Variants in ST3GAL4 observed in about 807,000 individuals in gnomAD.
The protein encoded by ST3GAL4 is ST3 beta-galactoside alpha-2,3-sialyltransferase 4.
Under a neutral mutation model 42.6 loss-of-function variants are expected in ST3GAL4, and 24 were observed. The ratio of observed to expected loss-of-function variants is 0.56; its 90% CI spans 0.41 to 0.79. ST3GAL4 has a LOEUF of 0.79. Among genes scored for constraint, ST3GAL4 ranks in the 30% least tolerant of loss-of-function variants. The pLI, the probability that ST3GAL4 is intolerant of heterozygous loss-of-function variation, is 0.00. For missense variants in ST3GAL4, 311 were observed against 430.8 expected, an observed-to-expected ratio of 0.72 and a Z score of 2.46; for synonymous variants, 135 against 163.2, an observed-to-expected ratio of 0.83 and a Z score of 1.32.
At position 126,413,492 on chromosome 11, in the gene ST3GAL4, C is replaced by T. The variant is rs772391873; in HGVS notation, c.772-13C>T. On this transcript the variant is annotated splice_polypyrimidine_tract_variant and intron_variant, in intron 9 of 10. Transcript: ENST00000444328. ...AGGGCTCCCACTAACACCCTCCTGC[C>T]CCTGTTCCTCAGAAGCCCACCACGG... 15 of 1,613,494 alleles carry T rather than the reference C, an allele frequency of 9.3e-6. No homozygotes were observed. The South Asian group carries it at 1.6e-4, about 18-fold the overall frequency.
At chr11:126,368,543 C>T (rs1202325911) in intron 1 of ST3GAL4, among the ~76,000 whole-genome samples, 3 of 152,200 alleles carry the variant, frequency 2.0e-5, no homozygotes, top group Non-Finnish European at 4.4e-5. Flanking sequence ...GATGTGACCT[C>T]CGTGGCTCTC....
intron 1 of ST3GAL4, among the ~76,000 whole-genome samples, chr11:126,361,096 C>G (rs1186375638): frequency 1.3e-5 from 2 of 152,186 alleles, no homozygotes; most frequent in Admixed American, 1.3e-4. Context: ...CTACCCATCA[C>G]CCCTCCCTAG....
rs561162559 is a variant in ST3GAL4, at chr11:126,414,126, G to C, written c.*79G>C. 2.1e-6 allele frequency: 3 copies of C among 1,443,284 alleles called. No homozygotes were observed. Among genetic ancestry groups the C allele is most frequent in the Non-Finnish European group, 2.9e-6 (3 of 1,025,698 alleles). The allele number at this position is 1,443,284 out of a possible 1,614,324, so 89.4% of individuals were successfully genotyped here. On this transcript the variant is annotated 3_prime_UTR_variant, in exon 11 of 11. Transcript: ENST00000444328. The stretch of plus-strand genomic sequence containing the variant: ...CCATGCGTGGCTGTGGGGGTGGCTG[G>C]TGCCAGTATGACCCACTTGGACTCA...
chr11:126,372,295 A>G (rs1381868908), intron 1 of ST3GAL4, among the ~76,000 whole-genome samples: 1 of 152,144 alleles, frequency 6.6e-6, no homozygotes, highest in African/African-American at 2.4e-5. Flanking sequence ...AGTACCTCCT[A>G]TAAGTGGAAT....
At chr11:126,407,151 G>C in intron 4 of ST3GAL4, 101 bp from the exon 5 acceptor site, 1 of 1,476,540 alleles carries the variant, frequency 6.8e-7, no homozygotes, top group Non-Finnish European at 9.5e-7. Flanking sequence ...AAGCCAGGGA[G>C]GGAAGAGAAG....
chr11:126,414,159 T>G lies in ST3GAL4; in HGVS notation c.*112T>G, dbSNP rs1340990302. 1 of 1,031,140 alleles carries G rather than the reference T, an allele frequency of 9.7e-7. No homozygotes were observed. The highest frequency in any genetic ancestry group is 2.4e-5 in the East Asian group (1 of 41,538). The allele number at this position is 1,031,140 out of a possible 1,614,324, so 63.9% of individuals were successfully genotyped here. A position where few individuals can be genotyped will look rare whatever the true frequency, so the allele number is the denominator to read the frequency against. On this transcript the variant is annotated 3_prime_UTR_variant, in exon 11 of 11. Transcript: ENST00000444328. ...ATGACCCACTTGGACTCACCCCCTC[T>G]TGGGGAGGGAGTTCTGGGCCTGGCC...
At chr11:126,374,911 G>A (rs1052170076) in intron 1 of ST3GAL4, 3 of 151,942 alleles carry the variant, frequency 2.0e-5, no homozygotes, top group African/African-American at 7.3e-5. Context: ...TATTAATGAC[G>A]TCAAATGCAC....
chr11:126,407,075 T>C (rs1416085955), intron 4 of ST3GAL4, 52 bp downstream of exon 4: 1 of 1,573,738 alleles, frequency 6.4e-7, no homozygotes, highest in Non-Finnish European at 8.7e-7. Flanking sequence ...CGAGCTGGGA[T>C]TGAGGGTTTC....
chr11:126,411,461 T>C lies in ST3GAL4; in HGVS notation c.772-2044T>C, dbSNP rs549430172. 2.6e-5 allele frequency among the ~76,000 whole-genome samples: 4 copies of C among 152,278 alleles called. No individual in the cohort carries two copies. Among genetic ancestry groups the C allele is most frequent in the African/African-American group, 9.6e-5 (4 of 41,566 alleles). ...CCTGTATTAGCTTTCTGTTGCTCCC[T>C]AACTAATACCACAAGTTTAGCCGGC... is the stretch of plus-strand genomic sequence containing the variant. On this transcript the variant is annotated intron_variant, in intron 9 of 10. Transcript: ENST00000444328. The surrounding 1 kb of genome is among the most constrained non-coding windows in gnomAD (Gnocchi z 6.3).
In ST3GAL4 at chr11:126,374,350, G is replaced by T. The variant is rs191784831; in HGVS notation, c.-61+18508G>T. Among the ~76,000 whole-genome samples, 525 of 151,396 alleles carry T rather than the reference G, an allele frequency of 3.5e-3. 3 individuals are homozygous for T. The highest frequency in any genetic ancestry group is 0.012 in the African/African-American group (503 of 41,188). On this transcript the variant is annotated intron_variant, in intron 1 of 10. Coordinates refer to ENST00000444328, the MANE Select transcript of ST3GAL4 (RefSeq NM_001254757.2). ...GCCTGAAATCCCAGCTACTTGGGAG[G>T]CTGAGGCACGAGAATTGCTTGAACC...
At position 126,409,116 on chromosome 11, in the gene ST3GAL4, C is replaced by T; in HGVS notation, c.628-152C>T. On this transcript the variant is annotated intron_variant, in intron 8 of 10. Transcript: ENST00000444328. The surrounding 1 kb of genome is among the most constrained non-coding windows in gnomAD (Gnocchi z 4.9). ...TCCTCTCCTGGTCTCCCATCTGTGGCACAGACTTCACCTCCCTTTCCTCTC... is the reference window on the plus strand; with the variant it reads ...TCCTCTCCTGGTCTCCCATCTGTGGTACAGACTTCACCTCCCTTTCCTCTC... 1 of 991,258 alleles carries T rather than the reference C, an allele frequency of 1.0e-6. No homozygotes were observed. The highest frequency in any genetic ancestry group is 1.6e-5 in the African/African-American group (1 of 61,646). 61.4% of individuals were successfully genotyped at this position (991,258 alleles called of 1,614,324 possible).
intron 5 of ST3GAL4, 60 bp downstream of exon 5, chr11:126,407,409 T>G: frequency 1.9e-6 from 3 of 1,588,360 alleles, no homozygotes; most frequent in East Asian, 4.5e-5. Context: ...TGCTTCCTAT[T>G]CTCTGCCGTC....
intron 1 of ST3GAL4, among the ~76,000 whole-genome samples, chr11:126,361,380 T>G (rs373944674): frequency 1.5e-5 from 2 of 132,798 alleles, no homozygotes; most frequent in African/African-American, 5.3e-5. Flanking sequence ...TTTTTTTTTT[T>G]GAAAACCCCC....
intron 1 of ST3GAL4, among the ~76,000 whole-genome samples, chr11:126,380,287 C>T (rs1047409585): frequency 6.6e-6 from 1 of 150,982 alleles, no homozygotes; most frequent in Non-Finnish European, 1.5e-5. Flanking sequence ...ATCCAGTTTC[C>T]AGATTCCAGG....
intron 8 of ST3GAL4, 123 bp downstream of exon 8, chr11:126,408,619 C>G (rs1388905070): frequency 7.3e-6 from 9 of 1,233,288 alleles, no homozygotes; most frequent in Non-Finnish European, 8.9e-6. Flanking sequence ...CAGCATGAAC[C>G]GGGCTCCCGG....
chr11:126,356,955 A>G (rs1359446724), intron 1 of ST3GAL4, among the ~76,000 whole-genome samples: 2 of 152,026 alleles, frequency 1.3e-5, no homozygotes, highest in Non-Finnish European at 1.5e-5. Flanking sequence ...TGCCAGGGGG[A>G]TTTTAAATGA....
chr11:126,397,832 T>C lies in ST3GAL4; in HGVS notation c.-60-8264T>C, dbSNP rs756267220. 3.3e-5 allele frequency among the ~76,000 whole-genome samples: 5 copies of C among 152,286 alleles called. No homozygotes were observed. The highest frequency in any genetic ancestry group is 7.4e-5 in the Non-Finnish European group (5 of 68,024). On this transcript the variant is annotated intron_variant, in intron 1 of 10. Coordinates refer to ENST00000444328, the MANE Select transcript of ST3GAL4 (RefSeq NM_001254757.2). The surrounding 1 kb of genome is among the most constrained non-coding windows in gnomAD (Gnocchi z 5.0). The stretch of plus-strand genomic sequence containing the variant: ...TGTCCTTTTATAAGGAACCCACTCC[T>C]GTAATAATGGCATTAAACCCATTCA...
At chr11:126,388,514 A>G (rs1209247825) in intron 1 of ST3GAL4, among the ~76,000 whole-genome samples, 2 of 151,438 alleles carry the variant, frequency 1.3e-5, no homozygotes, top group African/African-American at 4.9e-5. Context: ...TATTTTTAGT[A>G]GAGGTGGGGG....
At chr11:126,365,772 G>A (rs6590199) in intron 1 of ST3GAL4, among the ~76,000 whole-genome samples, 21,811 of 152,216 alleles carry the variant, frequency 0.14, 1,831 homozygotes, top group East Asian at 0.31. Context: ...GGTGGGCTGA[G>A]AGGACAGTCC....
Sources: gnomAD v4.1 joint callset for allele counts (sites outside exome capture counted in the v4.1 genomes callset) on GRCh38, gnomAD v4.1.1 for gene constraint, Gnocchi (gnomAD v3.1) non-coding constraint, MANE v1.5 for transcripts, NCBI Gene and HGNC (gene_info 2026-07-23, HGNC 2026-07-21) for gene names.